Variants in CTDP1 observed in about 807,000 individuals in gnomAD.
CTDP1 encodes the protein RNA polymerase II subunit A C-terminal domain phosphatase.
CTDP1 carries 47 observed loss-of-function variants against 91.8 expected under a neutral mutation model. The observed-to-expected ratio is 0.51, with a 90% CI of 0.41 to 0.65. CTDP1 has a LOEUF of 0.65. CTDP1 is among the 30% of genes least tolerant of loss of function. CTDP1 has a pLI of 0.00. For missense variants in CTDP1, 1,272 were observed against 1,373.7 expected (o/e 0.93, Z 1.17); for synonymous variants, 656 against 598.5 (o/e 1.10, Z -1.40).
intron 11 of CTDP1, among the ~76,000 whole-genome samples, chr18:79,733,729 G>A (rs929371255): frequency 3.3e-5 from 5 of 152,068 alleles, no homozygotes; most frequent in South Asian, 2.1e-4. Flanking sequence ...CTTGTTTCCC[G>A]TCCTCTCTCT....
At chr18:79,698,128 G>A (rs1191466307) in intron 4 of CTDP1, 140 bp downstream of exon 4, 1 of 1,289,884 alleles carries the variant, frequency 7.8e-7, no homozygotes, top group East Asian at 2.5e-5. Flanking sequence ...CTAGTTCTGG[G>A]CGTGGGCCGT....
intron 10 of CTDP1, among the ~76,000 whole-genome samples, chr18:79,725,437 A>T (rs1429098365): frequency 2.6e-5 from 4 of 152,070 alleles, no homozygotes; most frequent in African/African-American, 7.2e-5. Flanking sequence ...ATTTTCCTTA[A>T]CAGTTACAGG....
chr18:79,710,935 C>CT (rs1415242070), intron 6 of CTDP1, among the ~76,000 whole-genome samples: 1 of 152,042 alleles, frequency 6.6e-6, no homozygotes, highest in Non-Finnish European at 1.5e-5. Context: ...TAGAAAGTTC[C>CT]TTTCTAACCT....
intron 2 of CTDP1, 143 bp downstream of exon 2, chr18:79,695,451 G>A (rs1247077765): frequency 4.0e-6 from 3 of 742,612 alleles, no homozygotes; most frequent in South Asian, 1.5e-5. Flanking sequence ...GGCCCCATAC[G>A]AGTCACACTC....
At chr18:79,683,792 T>G (rs954759982) in intron 1 of CTDP1, among the ~76,000 whole-genome samples, 1 of 152,142 alleles carries the variant, frequency 6.6e-6, no homozygotes, top group Non-Finnish European at 1.5e-5. Flanking sequence ...CCCGAGGGTG[T>G]TGTTGAGGAC....
intron 3 of CTDP1, 90 bp downstream of exon 3, chr18:79,696,160 C>A (rs895788373): frequency 3.5e-6 from 4 of 1,145,846 alleles, no homozygotes; most frequent in Admixed American, 1.9e-5. Flanking sequence ...GAAGCACGGA[C>A]GTGTGGTTGT....
At chr18:79,720,771 C>T (rs189924570) in intron 10 of CTDP1, among the ~76,000 whole-genome samples, 4 of 152,292 alleles carry the variant, frequency 2.6e-5, no homozygotes, top group Non-Finnish European at 4.4e-5. Context: ...TTGTTTCTGA[C>T]GCTGACGACC....
At chr18:79,691,538 G>A (rs1163171318) in intron 1 of CTDP1, among the ~76,000 whole-genome samples, 11 of 76,064 alleles carry the variant, frequency 1.4e-4, no homozygotes, top group African/African-American at 2.6e-4. Context: ...GGGTGGACTC[G>A]GGGTGGGGGA....
At chr18:79,691,531 T>C (rs111603563) in intron 1 of CTDP1, among the ~76,000 whole-genome samples, 8 of 41,490 alleles carry the variant, frequency 1.9e-4, no homozygotes, top group Admixed American at 5.5e-4. Flanking sequence ...GCTCCCAGGG[T>C]GGACTCGGGG....
chr18:79,685,083 A>ATCAGT (rs2085465127), intron 1 of CTDP1, among the ~76,000 whole-genome samples: 10 of 151,684 alleles, frequency 6.6e-5, no homozygotes, highest in South Asian at 4.1e-4. Flanking sequence ...CCTGGTGAGG[A>ATCAGT]GGACGGTGCA....
chr18:79,718,504 G>T (rs1450804267), intron 10 of CTDP1, among the ~76,000 whole-genome samples: 1 of 152,298 alleles, frequency 6.6e-6, no homozygotes, highest in African/African-American at 2.4e-5. Flanking sequence ...TGTGAGGAAG[G>T]GAAACTTGAT....
At chr18:79,733,543 T>C (rs2086608028) in intron 11 of CTDP1, among the ~76,000 whole-genome samples, 1 of 151,752 alleles carries the variant, frequency 6.6e-6, no homozygotes. Context: ...TTCCTGCCTG[T>C]TCTGCTGGGC....
intron 10 of CTDP1, among the ~76,000 whole-genome samples, chr18:79,723,125 C>T (rs2086379029): frequency 6.6e-6 from 1 of 152,238 alleles, no homozygotes; most frequent in Non-Finnish European, 1.5e-5. Flanking sequence ...CAGCCACCCT[C>T]ACACGCTTGC....
chr18:79,680,137 T>C lies in CTDP1; in HGVS notation c.190T>C (p.Ser64Pro), dbSNP rs1430138886. 8 of 1,431,948 alleles carry C rather than the reference T, an allele frequency of 5.6e-6. No homozygotes were observed. The highest frequency in any genetic ancestry group is 7.3e-6 in the Non-Finnish European group (8 of 1,094,878). The allele number at this position is 1,431,948 out of a possible 1,614,324, so 88.7% of individuals were successfully genotyped here. ...CGCCTCCGCGCAGTCCTCCGGGGCC[T>C]CTCAGTCCCGTGTAGCCTCCGGGGG... ...AAASAQSSGASQSRVASGGCV... is the reference protein window; with the variant it reads ...AAASAQSSGAPQSRVASGGCV... Residue 64 changes from serine to proline, a missense_variant, in exon 1 of 13, where the codon TCT (serine) becomes CCT (proline). Transcript: ENST00000613122.
intron 7 of CTDP1, 122 bp from the exon 8 acceptor site, chr18:79,714,369 A>C: frequency 8.8e-7 from 1 of 1,140,076 alleles, no homozygotes; most frequent in Non-Finnish European, 1.3e-6. Context: ...CAAGGTTGCC[A>C]AGGCCTGGTC....
At position 79,697,929 on chromosome 18, in the gene CTDP1, GA is replaced by G; in HGVS notation, c.563del (p.Asp188AlafsTer6). 1 of 1,614,236 alleles carries G rather than the reference GA, an allele frequency of 6.2e-7. No homozygotes were observed. The highest frequency in any genetic ancestry group is 8.5e-7 in the Non-Finnish European group (1 of 1,180,052). On this transcript the variant is annotated frameshift_variant, in exon 4 of 13. Transcript: ENST00000613122. LOFTEE classifies it high-confidence loss of function. ...HRNRKLVLMV[D>X]LDQTLIHTTE... ...AAACCGGAAGCTGGTGCTCATGGTG[GA>G]CTTGGACCAGACGTTGATTCACACA...
In CTDP1 at chr18:79,714,703, A is replaced by T. The variant is rs2086161874; in HGVS notation, c.1243A>T (p.Ser415Cys). 3.7e-6 allele frequency: 6 copies of T among 1,608,082 alleles called. No homozygotes were observed. Among genetic ancestry groups the T allele is most frequent in the Non-Finnish European group, 5.1e-6 (6 of 1,177,804 alleles). The stretch of plus-strand genomic sequence containing the variant: ...CTGGCCCCCTGCCCAGGCCCCCACC[A>T]GCAGCCAAGAGCTGGCAGGCGCTCC... ...DIWPPAQAPT[S>C]SQELAGAPEP... Residue 415 changes from serine (S) to cysteine (C), a missense_variant, in exon 8 of 13, where the codon AGC becomes TGC. By Grantham distance (112) the Ser-to-Cys change is moderately radical. Around this residue, in one of 3 missense-constraint regions of CTDP1, gnomAD observed 881 missense variants for 911.6 expected, o/e 0.97. Transcript: ENST00000613122.
intron 6 of CTDP1, 147 bp from the exon 7 acceptor site, chr18:79,712,825 G>C (rs2086110303): frequency 1.3e-6 from 1 of 760,564 alleles, no homozygotes; most frequent in Non-Finnish European, 2.2e-6. Context: ...CAAACAGAAA[G>C]GGCTTCGGGG....
At chr18:79,729,106 C>G in intron 11 of CTDP1, 37 bp downstream of exon 11, 1 of 1,611,378 alleles carries the variant, frequency 6.2e-7, no homozygotes. Context: ...CGCGCCAGCG[C>G]TCGTGCTGGG....
Sources: allele counts gnomAD v4.1 joint callset (sites outside exome capture counted in the v4.1 genomes callset), GRCh38; gene constraint gnomAD v4.1.1; regional missense constraint gnomAD v4.1.1; transcripts MANE v1.5; gene names NCBI Gene and HGNC (gene_info 2026-07-23, HGNC 2026-07-21).